The following SDCCAG8 variants were observed in gnomAD, a reference collection of about 807,000 sequenced individuals.
SDCCAG8 encodes the protein serologically defined colon cancer antigen 8.
In SDCCAG8, 74 loss-of-function variants were observed where a neutral mutation model predicts 101.8. The ratio of observed to expected loss-of-function variants is 0.73; its 90% CI spans 0.60 to 0.88. The LOEUF (loss-of-function observed/expected upper bound fraction) is 0.88, where lower values mean the gene tolerates loss of function less well. SDCCAG8 is among the 40% of genes least tolerant of loss of function. The pLI is 0.00. For missense variants in SDCCAG8, 787 were observed against 822.6 expected (o/e 0.96, Z 0.53); for synonymous variants, 281 against 292.9 (o/e 0.96, Z 0.41).
intron 8 of SDCCAG8, among the ~76,000 whole-genome samples, chr1:243,311,187 T>G (rs747301227): frequency 3.9e-5 from 6 of 152,232 alleles, no homozygotes; most frequent in Admixed American, 6.5e-5. Context: ...GGAGAGTAAC[T>G]AAACATGGTT....
At chr1:243,410,858 T>C (rs1213856277) in intron 13 of SDCCAG8, among the ~76,000 whole-genome samples, 1 of 152,186 alleles carries the variant, frequency 6.6e-6, no homozygotes, top group South Asian at 2.1e-4. Context: ...GTAAATATCA[T>C]TGTGACCATT....
chr1:243,310,601 C>T (rs1445695030), intron 8 of SDCCAG8, among the ~76,000 whole-genome samples: 6 of 151,700 alleles, frequency 4.0e-5, no homozygotes, highest in African/African-American at 9.7e-5. Flanking sequence ...CTAAGGATGA[C>T]GTGAAAAGTG....
intron 9 of SDCCAG8, among the ~76,000 whole-genome samples, chr1:243,320,937 C>T (rs1301828616): frequency 6.6e-6 from 1 of 152,204 alleles, no homozygotes; most frequent in Non-Finnish European, 1.5e-5. Flanking sequence ...TCTAGGAAAC[C>T]TCTTATCTCT....
intron 16 of SDCCAG8, among the ~76,000 whole-genome samples, chr1:243,469,729 C>T (rs770663127): frequency 1.3e-4 from 19 of 151,750 alleles, no homozygotes; most frequent in Non-Finnish European, 2.4e-4. Context: ...TATCTGCCTG[C>T]GAGTGCATGT....
intron 16 of SDCCAG8, among the ~76,000 whole-genome samples, chr1:243,439,041 C>T (rs773442375): frequency 2.6e-5 from 4 of 152,194 alleles, no homozygotes; most frequent in Non-Finnish European, 5.9e-5. Context: ...TTTATTTTGG[C>T]TGTAGTCCCT....
intron 12 of SDCCAG8, among the ~76,000 whole-genome samples, chr1:243,363,745 A>T (rs954901038): frequency 3.9e-5 from 6 of 152,208 alleles, no homozygotes; most frequent in Non-Finnish European, 7.3e-5. Context: ...TAATTATCAC[A>T]GCATATAAAT....
chr1:243,392,201 C>CCA (rs1313724589), intron 13 of SDCCAG8, among the ~76,000 whole-genome samples: 1 of 152,166 alleles, frequency 6.6e-6, no homozygotes, highest in African/African-American at 2.4e-5. Context: ...AATATGAGTT[C>CCA]AGGTAAAATA....
At chr1:243,303,224 A>T (rs61515168) in intron 6 of SDCCAG8, among the ~76,000 whole-genome samples, 3,471 of 152,300 alleles carry the variant, frequency 0.023, 142 homozygotes, top group African/African-American at 0.078. Flanking sequence ...AAACAAATTG[A>T]CATGAGATAA....
rs138144988 is a variant in SDCCAG8 at position 243,373,767 on chromosome 1, T to A, written c.1474-4954T>A. ...TGGGGAGACATAAGGTATTCCACTC[T>A]CAGTGGAAGGGAGATGGGAGTGAAT... On this transcript the variant is annotated intron_variant, in intron 12 of 17. Coordinates refer to ENST00000366541, the MANE Select transcript of SDCCAG8 (RefSeq NM_006642.5). Among the ~76,000 whole-genome samples the A allele has an allele frequency of 3.3e-5, 5 of 152,226 alleles. No individual in the cohort carries two copies. The East Asian group carries it at 9.7e-4, about 29-fold the overall frequency.
intron 13 of SDCCAG8, among the ~76,000 whole-genome samples, chr1:243,396,720 G>A (rs1168647815): frequency 6.6e-6 from 1 of 152,170 alleles, no homozygotes; most frequent in Non-Finnish European, 1.5e-5. Context: ...AATGAGAAGT[G>A]CAGACACACA....
chr1:243,430,600 G>A (rs1482569635), intron 16 of SDCCAG8, among the ~76,000 whole-genome samples: 1 of 151,738 alleles, frequency 6.6e-6, no homozygotes, highest in Admixed American at 6.6e-5. Flanking sequence ...CACCACGCCC[G>A]GCTAATTTTT....
At chr1:243,386,768 T>TGAGAGAGAGAGAGA (rs112662776) in intron 13 of SDCCAG8, among the ~76,000 whole-genome samples, 4 of 143,374 alleles carry the variant, frequency 2.8e-5, no homozygotes, top group African/African-American at 1.0e-4. Flanking sequence ...AGAAAGAAAG[T>TGAGAGAGAGAGAGA]GAGAGAGAGA....
chr1:243,409,090 A>T (rs545477137), intron 13 of SDCCAG8, among the ~76,000 whole-genome samples: 1 of 152,308 alleles, frequency 6.6e-6, no homozygotes, highest in South Asian at 2.1e-4. Flanking sequence ...TAAACTCAAA[A>T]AGTACCTATA....
intron 10 of SDCCAG8, among the ~76,000 whole-genome samples, chr1:243,339,145 A>AGAAAGT (rs2075234093): frequency 6.7e-5 from 9 of 133,902 alleles, no homozygotes; most frequent in South Asian, 2.6e-4. Context: ...GGGCAGAGGA[A>AGAAAGT]GGGAATGATG....
chr1:243,269,038 G>A (rs1456303105), intron 1 of SDCCAG8: 1 of 152,968 alleles, frequency 6.5e-6, no homozygotes, highest in Non-Finnish European at 1.5e-5. Context: ...TTCTTCATGG[G>A]GTCTCAGGGC....
intron 16 of SDCCAG8, among the ~76,000 whole-genome samples, chr1:243,463,858 C>T (rs1659614470): frequency 6.6e-6 from 1 of 151,946 alleles, no homozygotes. Context: ...CACATGGCCA[C>T]ATAGACTGTT....
intron 6 of SDCCAG8, 32 bp from the exon 7 acceptor site, chr1:243,304,681 G>GA: frequency 8.1e-7 from 1 of 1,231,670 alleles, no homozygotes; most frequent in Non-Finnish European, 1.2e-6. Flanking sequence ...AGGACATAGA[G>GA]AAAAATGTAC....
intron 8 of SDCCAG8, among the ~76,000 whole-genome samples, chr1:243,310,525 A>G (rs1371807807): frequency 6.6e-6 from 1 of 152,178 alleles, no homozygotes; most frequent in African/African-American, 2.4e-5. Flanking sequence ...AGGCTCAGAT[A>G]CAATTCAGAC....
chr1:243,497,778 CAGCA>C (rs1668403140), intron 17 of SDCCAG8, among the ~76,000 whole-genome samples: 1 of 152,168 alleles, frequency 6.6e-6, no homozygotes, highest in East Asian at 1.9e-4. Flanking sequence ...TTCTGGGCTA[CAGCA>C]ATTCTCCTAC....
Sources: allele counts gnomAD v4.1 joint callset (sites outside exome capture counted in the v4.1 genomes callset), GRCh38; gene constraint gnomAD v4.1.1; transcripts MANE v1.5; gene names NCBI Gene and HGNC (gene_info 2026-07-23, HGNC 2026-07-21).